Variants in WWC2 observed in about 807,000 individuals in gnomAD.
WWC2 encodes WW and C2 domain containing 2, also known as protein WWC2.
WWC2 carries 101 observed loss-of-function variants against 138.5 expected under a neutral mutation model. The observed-to-expected ratio is 0.73, with a 90% confidence interval of 0.62 to 0.86. The LOEUF is 0.86. WWC2 is among the 40% of genes least tolerant of loss of function. WWC2 has a pLI of 0.00. For missense variants in WWC2, 1,420 were observed against 1,419.4 expected, an observed-to-expected ratio of 1.00 and a Z score of -0.01; for synonymous variants, 558 against 538.4, an observed-to-expected ratio of 1.04 and a Z score of -0.50.
At chr4:183,198,107 G>T (rs1390591502) in intron 2 of WWC2, among the ~76,000 whole-genome samples, 1 of 152,158 alleles carries the variant, frequency 6.6e-6, no homozygotes, top group Admixed American at 6.5e-5. Flanking sequence ...GGAGGCTGAG[G>T]TGGGCAGATT....
chr4:183,315,046 G>A (rs913114661), intron 22 of WWC2, among the ~76,000 whole-genome samples: 3 of 152,208 alleles, frequency 2.0e-5, no homozygotes, highest in African/African-American at 7.2e-5. Context: ...TAAATGCCAT[G>A]TACAGTGTGA....
At chr4:183,220,570 C>T (rs1735894973) in intron 4 of WWC2, among the ~76,000 whole-genome samples, 2 of 150,786 alleles carry the variant, frequency 1.3e-5, no homozygotes, top group African/African-American at 2.4e-5. Context: ...CGCGGTGGCT[C>T]ACGCCTGTAA....
intron 1 of WWC2, among the ~76,000 whole-genome samples, chr4:183,160,021 A>G (rs555608408): frequency 6.6e-6 from 1 of 152,322 alleles, no homozygotes; most frequent in Non-Finnish European, 1.5e-5. Context: ...ATGATGGTTT[A>G]CTTAAATGAC....
At chr4:183,160,645 A>G (rs914341329) in intron 1 of WWC2, among the ~76,000 whole-genome samples, 6 of 152,226 alleles carry the variant, frequency 3.9e-5, no homozygotes, top group Non-Finnish European at 8.8e-5. Flanking sequence ...TTAAGGTAAA[A>G]GTATTGAAGT....
intron 1 of WWC2, among the ~76,000 whole-genome samples, chr4:183,116,059 C>T (rs1732400295): frequency 1.3e-5 from 2 of 152,186 alleles, no homozygotes; most frequent in African/African-American, 4.8e-5. Flanking sequence ...CTGCATATGA[C>T]TGGCCAGTTA....
chr4:183,143,955 GT>G (rs1733377107), intron 1 of WWC2, among the ~76,000 whole-genome samples: 1 of 152,126 alleles, frequency 6.6e-6, no homozygotes, highest in African/African-American at 2.4e-5. Context: ...ACTTTGTATG[GT>G]TTGATATTCC....
chr4:183,304,704 C>T (rs960258090), intron 21 of WWC2, among the ~76,000 whole-genome samples: 45 of 152,242 alleles, frequency 3.0e-4, no homozygotes, highest in Admixed American at 8.5e-4. Context: ...TTGTGAAACT[C>T]GTAGCCCAGG....
At chr4:183,104,904 A>ATT (rs1743300790) in intron 1 of WWC2, among the ~76,000 whole-genome samples, 1 of 152,072 alleles carries the variant, frequency 6.6e-6, no homozygotes, top group Non-Finnish European at 1.5e-5. Flanking sequence ...AATAAAATAA[A>ATT]TATTTTATTT....
Position 183,099,459 on chromosome 4 carries a change from TGGA to T in WWC2, c.-30_-28del. ...CGCCGCGTCCCGCGCCCGGTACCTA[TGGA>T]GGCGCCGCTCGCCGGCGAGGCCGCC... is the stretch of plus-strand genomic sequence containing the variant. On this transcript the variant is annotated 5_prime_UTR_variant, in exon 1 of 23. Transcript: ENST00000403733. The T allele has an allele frequency of 7.9e-7, 1 of 1,261,562 alleles. No individual in the cohort carries two copies. 78.1% of individuals were successfully genotyped at this position (1,261,562 alleles called of 1,614,324 possible).
intron 5 of WWC2, among the ~76,000 whole-genome samples, chr4:183,244,569 T>TTA (rs754078261): frequency 1.1e-3 from 170 of 150,850 alleles, no homozygotes; most frequent in African/African-American, 3.8e-3. Context: ...AGAATAAATA[T>TTA]TATATATATA....
At chr4:183,194,721 A>G (rs1034924074) in intron 2 of WWC2, among the ~76,000 whole-genome samples, 2 of 152,190 alleles carry the variant, frequency 1.3e-5, no homozygotes, top group Non-Finnish European at 2.9e-5. Context: ...GTGAGGCACC[A>G]TCTTCCAGGC....
intron 4 of WWC2, among the ~76,000 whole-genome samples, chr4:183,234,893 T>C (rs1202101887): frequency 6.6e-6 from 1 of 152,196 alleles, no homozygotes; most frequent in Non-Finnish European, 1.5e-5. Flanking sequence ...GTTTTTACAT[T>C]CTGTGTCCTA....
rs185132215 is a variant in WWC2, at chr4:183,150,637, G to A, written c.132-42962G>A. Among the ~76,000 whole-genome samples the A allele has an allele frequency of 3.5e-3, 530 of 152,168 alleles. 4 individuals carry two copies. The highest frequency in any genetic ancestry group is 0.02 in the Middle Eastern group (6 of 294). ...GTTGGTTTGCTGCGCCCATTAACTC[G>A]TCATTTACATTAAGTATTTCTCCTA... On this transcript the variant is annotated intron_variant, in intron 1 of 22. Transcript: ENST00000403733.
At chr4:183,136,718 A>G (rs1231353362) in intron 1 of WWC2, among the ~76,000 whole-genome samples, 2 of 152,202 alleles carry the variant, frequency 1.3e-5, no homozygotes, top group Admixed American at 1.3e-4. Context: ...TTAAAACATT[A>G]TGAGATATTT....
rs1374833907 is a variant in WWC2, at chr4:183,282,745, G to C, written c.2722G>C (p.Ala908Pro). 1.3e-6 allele frequency: 2 copies of C among 1,577,952 alleles called. No individual in the cohort carries two copies. The highest frequency in any genetic ancestry group is 2.3e-5 in the South Asian group (2 of 85,858). Reference protein sequence around the residue: ...MLREASDEIVAEKEAEVKLPE... With the variant: ...MLREASDEIVPEKEAEVKLPE... Reference sequence around the variant, plus strand: ...AAGAGAGGCCTCTGATGAAATTGTGGCTGAAAAAGAGGCTGAAGTTAAATT... The same window carrying C: ...AAGAGAGGCCTCTGATGAAATTGTGCCTGAAAAAGAGGCTGAAGTTAAATT... The change falls in exon 18 of 23, where the codon GCT (alanine) becomes CCT (proline). Residue 908 changes from alanine (A) to proline (P), a missense_variant. Transcript: ENST00000403733.
intron 11 of WWC2, 104 bp from the exon 12 acceptor site, chr4:183,264,874 G>A (rs1737442643): frequency 3.3e-6 from 4 of 1,211,168 alleles, no homozygotes; most frequent in Non-Finnish European, 4.3e-6. Flanking sequence ...CTCCCAGAAG[G>A]AAATCTTATT....
At chr4:183,292,168 C>G (rs1321136116) in intron 21 of WWC2, among the ~76,000 whole-genome samples, 2 of 151,992 alleles carry the variant, frequency 1.3e-5, no homozygotes, top group Non-Finnish European at 2.9e-5. Context: ...TGCGTTCCAG[C>G]TTAGGTGACA....
At chr4:183,286,107 A>G in intron 20 of WWC2, 48 bp downstream of exon 20, 1 of 1,507,120 alleles carries the variant, frequency 6.6e-7, no homozygotes, top group Non-Finnish European at 9.0e-7. Flanking sequence ...CCAGTCCAGA[A>G]TTGTCACTTG....
intron 1 of WWC2, among the ~76,000 whole-genome samples, chr4:183,145,985 A>G (rs1733444289): frequency 6.6e-6 from 1 of 152,212 alleles, no homozygotes; most frequent in African/African-American, 2.4e-5. Context: ...GTCTACTTGA[A>G]GGATTTATTA....
Sources: gnomAD v4.1 joint callset for allele counts (sites outside exome capture counted in the v4.1 genomes callset) on GRCh38, gnomAD v4.1.1 for gene constraint, MANE v1.5 for transcripts, NCBI Gene and HGNC (gene_info 2026-07-23, HGNC 2026-07-21) for gene names.